The following ALG11 variants were observed in gnomAD, a reference collection of about 807,000 sequenced individuals.
The protein encoded by ALG11 is GDP-Man:Man(3)GlcNAc(2)-PP-Dol alpha-1,2-mannosyltransferase.
ALG11 carries 26 observed loss-of-function variants against 38.8 expected under a neutral mutation model. The observed-to-expected ratio is 0.67, with a 90% confidence interval of 0.49 to 0.93. The LOEUF is 0.93. Ranked by LOEUF, ALG11 falls within the 40% of genes least tolerant of loss-of-function variation. ALG11 has a pLI of 0.00. For synonymous variants in ALG11, 199 were observed against 211.6 expected (o/e 0.94, Z 0.52); for missense variants, 535 against 578.8 (o/e 0.92, Z 0.78).
Position 52,030,332 on chromosome 13 carries a change from G to A in ALG11, c.*1742G>A, listed in dbSNP as rs777829785. 9 of 1,614,070 alleles carry A rather than the reference G, an allele frequency of 5.6e-6. No individual in the cohort carries two copies. The African/African-American group carries it at 1.1e-4, about 19-fold the overall frequency. On this transcript the variant is annotated 3_prime_UTR_variant, in exon 4 of 4. Transcript: ENST00000521508. ...GAGGTCAGAGAGAGTACAAACTCTGGAAGAGCTAGAAGAGCTGGGAAAAGA... is the reference window on the plus strand; with the variant it reads ...GAGGTCAGAGAGAGTACAAACTCTGAAAGAGCTAGAAGAGCTGGGAAAAGA...
Position 52,029,615 on chromosome 13 carries a change from CAGA to C in ALG11, c.*1028_*1030del. The C allele has an allele frequency of 1.2e-6, 2 of 1,614,170 alleles. No homozygotes were observed. Among genetic ancestry groups the C allele is most frequent in the South Asian group, 1.1e-5 (1 of 91,082 alleles). ...AGCCTTAAAAGAGTTTGAGCAGCTA[CAGA>C]AGGTTAATCCAACTGTGGCACTGGA... On this transcript the variant is annotated 3_prime_UTR_variant, in exon 4 of 4. Coordinates refer to ENST00000521508, the MANE Select transcript of ALG11 (RefSeq NM_001004127.3).
At chr13:52,014,538 T>A (rs979721035) in intron 1 of ALG11, among the ~76,000 whole-genome samples, 4 of 151,818 alleles carry the variant, frequency 2.6e-5, no homozygotes, top group Non-Finnish European at 4.4e-5. Context: ...TTTTTTTTTT[T>A]AATTTTTTTT....
chr13:52,024,182 G>C lies in ALG11; in HGVS notation c.452G>C (p.Gly151Ala). The C allele has an allele frequency of 6.2e-7, 1 of 1,614,094 alleles. No homozygotes were observed. The highest frequency in any genetic ancestry group is 8.5e-7 in the Non-Finnish European group (1 of 1,180,014). The change falls in exon 3 of 4, where the codon GGC becomes GCC. Residue 151 changes from glycine (G) to alanine (A), a missense_variant. Physicochemically the swap from Gly to Ala is moderately conservative, Grantham distance 60 (BLOSUM62 0). Transcript: ENST00000521508. ...CTGTATCCTCACTTCACACTGCTGGGCCAAAGTCTAGGATCCATTTTTCTT... is the reference window on the plus strand; with the variant it reads ...CTGTATCCTCACTTCACACTGCTGGCCCAAAGTCTAGGATCCATTTTTCTT... Reference protein sequence around the residue: ...DSLYPHFTLLGQSLGSIFLGW... With the variant: ...DSLYPHFTLLAQSLGSIFLGW...
chr13:52,013,001 ATTATT>A (rs1476942576), intron 1 of ALG11, among the ~76,000 whole-genome samples: 4 of 152,202 alleles, frequency 2.6e-5, no homozygotes, highest in Non-Finnish European at 5.9e-5. Flanking sequence ...TACATAAAAT[ATTATT>A]TTATTTGTAT....
chr13:52,017,851 C>T (rs759235318), intron 1 of ALG11: 1 of 152,262 alleles, frequency 6.6e-6, no homozygotes, highest in Non-Finnish European at 1.5e-5. Context: ...TATGTAAATA[C>T]AGCCTGCATA....
rs1954317178 is a variant in ALG11 at position 52,032,673 on chromosome 13, G to A, written c.*4083G>A. On this transcript the variant is annotated 3_prime_UTR_variant, in exon 4 of 4. Coordinates refer to ENST00000521508, the MANE Select transcript of ALG11 (RefSeq NM_001004127.3). Reference sequence around the variant, plus strand: ...TCAGATCAAAAAGCAGCAAACAGAGGGTCAGTCACAGGATGTTCTGACACA... The same window carrying A: ...TCAGATCAAAAAGCAGCAAACAGAGAGTCAGTCACAGGATGTTCTGACACA... 6.0e-6 allele frequency: 1 copy of A among 166,910 alleles called. No homozygotes were observed. 10.3% of individuals were successfully genotyped at this position (166,910 alleles called of 1,614,324 possible). A position where few individuals can be genotyped will look rare whatever the true frequency, so the allele number is the denominator to read the frequency against.
chr13:52,017,147 CTTGTT>C (rs1954141111), intron 1 of ALG11: 1 of 152,168 alleles, frequency 6.6e-6, no homozygotes, highest in Admixed American at 6.5e-5. Context: ...CTGTAACCCC[CTTGTT>C]TTGGCCAATT....
In ALG11 at chr13:52,029,836, A is replaced by G. The variant is rs751757257; in HGVS notation, c.*1246A>G. The G allele has an allele frequency of 1.2e-6, 2 of 1,614,202 alleles. No individual in the cohort carries two copies. Among genetic ancestry groups the G allele is most frequent in the South Asian group, 1.1e-5 (1 of 91,084 alleles). On this transcript the variant is annotated 3_prime_UTR_variant, in exon 4 of 4. Transcript: ENST00000521508. ...TCCAGGTAGCCTCTGAGAGTGAGGA[A>G]GAGGAGGGAGGCACAGAAGTGGAAG...
At position 52,024,562 on chromosome 13, in the gene ALG11, G is replaced by A. The variant is rs759676836; in HGVS notation, c.832G>A (p.Val278Ile). 6.2e-7 allele frequency: 1 copy of A among 1,614,132 alleles called. No individual in the cohort carries two copies. ...GAAAGTTGGGAATTGCACTAACATT[G>A]TTTATCCACCTTGTGATGTGCAGAC... ...LWKVGNCTNI[V>I]YPPCDVQTFL... The change falls in exon 3 of 4, where the codon GTT (valine) becomes ATT (isoleucine). Residue 278 changes from valine to isoleucine, a missense_variant. Val to Ile is a conservative substitution (Grantham distance 29). Coordinates refer to ENST00000521508, the MANE Select transcript of ALG11 (RefSeq NM_001004127.3).
At chr13:52,018,619 C>CAT (rs1954155505) in intron 1 of ALG11, among the ~76,000 whole-genome samples, 1 of 152,110 alleles carries the variant, frequency 6.6e-6, no homozygotes, top group South Asian at 2.1e-4. Flanking sequence ...AATCCCATAA[C>CAT]ATATATACTA....
At chr13:52,012,717 T>C in intron 1 of ALG11, among the ~76,000 whole-genome samples, 1 of 152,214 alleles carries the variant, frequency 6.6e-6, no homozygotes, top group East Asian at 1.9e-4. Flanking sequence ...CCTTCCCTGC[T>C]TCAGCTTTTT....
At chr13:52,017,375 T>C (rs377238883) in intron 1 of ALG11, 1 of 152,200 alleles carries the variant, frequency 6.6e-6, no homozygotes, top group East Asian at 1.9e-4. Context: ...TGAAATGTGA[T>C]GACGTGAGAT....
In ALG11 at chr13:52,029,098, T is replaced by G; in HGVS notation, c.*508T>G. The stretch of plus-strand genomic sequence containing the variant: ...TTGAGCCCGTTAAAACTTCATCTTC[T>G]TTGGCCACTGTAAAAAAGCAACTGA... On this transcript the variant is annotated 3_prime_UTR_variant, in exon 4 of 4. Coordinates refer to ENST00000521508, the MANE Select transcript of ALG11 (RefSeq NM_001004127.3). The G allele has an allele frequency of 1.9e-6, 3 of 1,614,206 alleles. No homozygotes were observed. Among genetic ancestry groups the G allele is most frequent in the Non-Finnish European group, 2.5e-6 (3 of 1,180,042 alleles).
At chr13:52,026,847 T>A (rs1954245944) in intron 3 of ALG11, among the ~76,000 whole-genome samples, 1 of 152,126 alleles carries the variant, frequency 6.6e-6, no homozygotes, top group Admixed American at 6.5e-5. Context: ...AAATGAGGAT[T>A]GTCCTTGTGC....
Position 52,024,110 on chromosome 13 carries a change from C to T in ALG11, c.380C>T (p.Pro127Leu). The change falls in exon 3 of 4, where the codon CCA becomes CTA. Residue 127 changes from proline (P) to leucine (L), a missense_variant. Pro to Leu is a moderately conservative substitution (Grantham distance 98). Coordinates refer to ENST00000521508, the MANE Select transcript of ALG11 (RefSeq NM_001004127.3). ...FRRFNIRLIH[P>L]VQFVFLRKRY... ...AGATTTAACATCAGATTAATTCACC[C>T]AGTGCAGTTTGTTTTTTTAAGGAAA... is the stretch of plus-strand genomic sequence containing the variant. 2 of 1,614,032 alleles carry T rather than the reference C, an allele frequency of 1.2e-6. No homozygotes were observed. The highest frequency in any genetic ancestry group is 1.7e-6 in the Non-Finnish European group (2 of 1,179,974).
rs758368243 is a variant in ALG11 at position 52,023,995 on chromosome 13, T to G, written c.276-11T>G. ...ACTTAATATATTCTTAACCATTACA[T>G]TCTATTTTAGGTATCCTGAAGCAGT... On this transcript the variant is annotated splice_polypyrimidine_tract_variant and intron_variant, in intron 2 of 3. Coordinates refer to ENST00000521508, the MANE Select transcript of ALG11 (RefSeq NM_001004127.3). The G allele has an allele frequency of 6.8e-6, 11 of 1,613,212 alleles. No homozygotes were observed. Among genetic ancestry groups the G allele is most frequent in the Non-Finnish European group, 9.3e-6 (11 of 1,179,222 alleles).
At chr13:52,023,898 G>A (rs530855133) in intron 2 of ALG11, 108 bp from the exon 3 acceptor site, 11 of 952,530 alleles carry the variant, frequency 1.2e-5, no homozygotes, top group Admixed American at 4.1e-5. Context: ...GGGTTCAAGC[G>A]ATTCTCCTGC....
Position 52,024,690 on chromosome 13 carries a change from A to G in ALG11, c.960A>G (p.Arg320=). The change falls in exon 3 of 4, where the codon AGA becomes AGG. Residue 320 remains arginine, a synonymous_variant. Coordinates refer to ENST00000521508, the MANE Select transcript of ALG11 (RefSeq NM_001004127.3). The part of the protein sequence containing the change: ...RPEKNHPLQI[R]AFAKLLNKKM... Reference sequence around the variant, plus strand: ...AAAAGAATCATCCATTGCAGATCAGAGCCTTTGCTAAATTGCTGAATAAGA... The same window carrying G: ...AAAAGAATCATCCATTGCAGATCAGGGCCTTTGCTAAATTGCTGAATAAGA... The G allele has an allele frequency of 6.2e-7, 1 of 1,614,198 alleles. No individual in the cohort carries two copies. Among genetic ancestry groups the G allele is most frequent in the Non-Finnish European group, 8.5e-7 (1 of 1,180,030 alleles).
chr13:52,020,158 T>G (rs1417721997), intron 2 of ALG11, among the ~76,000 whole-genome samples: 1 of 152,146 alleles, frequency 6.6e-6, no homozygotes, highest in Non-Finnish European at 1.5e-5. Flanking sequence ...TGACTCAAAT[T>G]TTTATATCAT....
Sources: gnomAD v4.1 joint callset for allele counts (sites outside exome capture counted in the v4.1 genomes callset) on GRCh38, gnomAD v4.1.1 for gene constraint, MANE v1.5 for transcripts, NCBI Gene and HGNC (gene_info 2026-07-23, HGNC 2026-07-21) for gene names.